PDE6A: variants seen among roughly 807,000 people sequenced by gnomAD.
The protein encoded by PDE6A is phosphodiesterase 6A.
A neutral mutation model predicts 106.3 loss-of-function variants in PDE6A; 84 were observed. The observed-to-expected ratio is 0.79, with a 90% confidence interval of 0.66 to 0.95. PDE6A has a LOEUF of 0.95. Ranked by LOEUF, PDE6A falls within the 40% of genes least tolerant of loss-of-function variation. The probability of loss-of-function intolerance (pLI) is 0.00; values close to 1 mark genes in which losing one functional copy is unlikely to be tolerated. For synonymous variants in PDE6A, 394 were observed against 386.6 expected, an observed-to-expected ratio of 1.02 and a Z score of -0.23; for missense variants, 1,052 against 1,084.9, an observed-to-expected ratio of 0.97 and a Z score of 0.43.
intron 8 of PDE6A, among the ~76,000 whole-genome samples, chr5:149,900,413 A>G (rs245073): frequency 0.43 from 56,190 of 130,360 alleles, 14,622 homozygotes; most frequent in Non-Finnish European, 0.58. Context: ...TGGTTCATCA[A>G]ACATTTAGAA....
intron 8 of PDE6A, among the ~76,000 whole-genome samples, chr5:149,901,459 C>T (rs1752976312): frequency 6.6e-6 from 1 of 152,054 alleles, no homozygotes; most frequent in African/African-American, 2.4e-5. Flanking sequence ...ACCCAGGAGG[C>T]GGAGGTTGTG....
intron 3 of PDE6A, 53 bp from the exon 4 acceptor site, chr5:149,931,221 C>CAA: frequency 6.5e-7 from 1 of 1,538,162 alleles, no homozygotes. Flanking sequence ...AGTAGTAGCT[C>CAA]ACTTAGCTGG....
Position 149,859,281 on chromosome 5 carries a change from A to G in PDE6A, c.*1614T>C, listed in dbSNP as rs1383882045. The stretch of plus-strand genomic sequence containing the variant: ...TTTTTTCTAAAAACCAACAAAAAGA[A>G]ACAACTAAATTCAATATGTGAATTT... On this transcript the variant is annotated 3_prime_UTR_variant, in exon 22 of 22. Transcript: ENST00000255266. The G allele has an allele frequency of 6.6e-6, 1 of 152,260 alleles. No homozygotes were observed. Among genetic ancestry groups the G allele is most frequent in the Admixed American group, 6.5e-5 (1 of 15,292 alleles). 9.4% of individuals were successfully genotyped at this position (152,260 alleles called of 1,614,324 possible). A position where few individuals can be genotyped will look rare whatever the true frequency, so the allele number is the denominator to read the frequency against.
At chr5:149,917,218 A>G (rs757613030) in intron 5 of PDE6A, among the ~76,000 whole-genome samples, 5 of 151,860 alleles carry the variant, frequency 3.3e-5, no homozygotes, top group Non-Finnish European at 7.4e-5. Flanking sequence ...TGGAGGCGTG[A>G]CTCACTCTCT....
rs147653202 is a variant in PDE6A at position 149,896,436 on chromosome 5, T to C, written c.1540A>G (p.Thr514Ala). 9.5e-5 allele frequency: 154 copies of C among 1,613,992 alleles called. 1 individual carries two copies. The highest frequency in any genetic ancestry group is 1.3e-4 in the Non-Finnish European group (149 of 1,179,844). The change falls in exon 12 of 22, where the codon ACA becomes GCA. Residue 514 changes from threonine (T) to alanine (A), a missense_variant. By Grantham distance (58) the Thr-to-Ala change is moderately conservative (BLOSUM62 0). This residue lies in a region of PDE6A where 913 missense variants were observed against 915.2 expected (regional missense o/e 1.00). Coordinates refer to ENST00000255266, the MANE Select transcript of PDE6A (RefSeq NM_000440.3). ...CCACATTTTACCAGCTCCAGTTCTG[T>C]TAGGGGTAAGTCACTGAAGTGAAAT... Reference protein sequence around the residue: ...NKFHFSDLPLTELELVKCGIQ... With the variant: ...NKFHFSDLPLAELELVKCGIQ...
At chr5:149,866,122 A>G in intron 20 of PDE6A, 48 bp downstream of exon 20, 2 of 1,333,632 alleles carry the variant, frequency 1.5e-6, no homozygotes, top group Non-Finnish European at 2.2e-6. Context: ...TGGAAATCCC[A>G]GGTTTATCAA....
chr5:149,938,025 T>C (rs917899522), intron 1 of PDE6A, among the ~76,000 whole-genome samples: 1 of 152,220 alleles, frequency 6.6e-6, no homozygotes, highest in Non-Finnish European at 1.5e-5. Flanking sequence ...CCAGGCATTG[T>C]ATATGCAAAG....
intron 7 of PDE6A, among the ~76,000 whole-genome samples, chr5:149,905,450 A>G (rs1205603552): frequency 6.6e-6 from 1 of 152,168 alleles, no homozygotes; most frequent in Non-Finnish European, 1.5e-5. Flanking sequence ...TCATAGTTTT[A>G]CCTTGTCTGA....
chr5:149,942,106 T>C (rs1754342777), intron 1 of PDE6A, among the ~76,000 whole-genome samples: 1 of 151,960 alleles, frequency 6.6e-6, no homozygotes, highest in South Asian at 2.1e-4. Context: ...GGACCACAGG[T>C]GTGCACCACC....
Position 149,944,615 on chromosome 5 carries a change from G to A in PDE6A, c.59C>T (p.Ala20Val). Residue 20 changes from alanine (A) to valine (V), a missense_variant, in exon 1 of 22, where the codon GCC (alanine) becomes GTC (valine). Physicochemically the swap from Ala to Val is moderately conservative, Grantham distance 64. Around this residue, in one of 3 missense-constraint regions of PDE6A, gnomAD observed 913 missense variants for 915.2 expected, o/e 1.00. Transcript: ENST00000255266. Reference sequence around the variant, plus strand: ...GTAGTGGAGGTTGTAGTACTGTTTGGCAAAGCCAATATTCGAGTCCAGGAA... The same window carrying A: ...GTAGTGGAGGTTGTAGTACTGTTTGACAAAGCCAATATTCGAGTCCAGGAA... ...EKFLDSNIGF[A>V]KQYYNLHYRA... 6.2e-7 allele frequency: 1 copy of A among 1,613,896 alleles called. No homozygotes were observed. Among genetic ancestry groups the A allele is most frequent in the Non-Finnish European group, 8.5e-7 (1 of 1,179,968 alleles).
At chr5:149,943,122 C>G (rs1754365820) in intron 1 of PDE6A, among the ~76,000 whole-genome samples, 1 of 152,232 alleles carries the variant, frequency 6.6e-6, no homozygotes, top group Non-Finnish European at 1.5e-5. Flanking sequence ...GGGGAGAAAC[C>G]TTGGACCATA....
At chr5:149,894,629 ATTT>A (rs10657525) in intron 13 of PDE6A, among the ~76,000 whole-genome samples, 3 of 113,044 alleles carry the variant, frequency 2.7e-5, no homozygotes, top group African/African-American at 7.3e-5. Flanking sequence ...GAACTGTTGA[ATTT>A]TTTTTTTTTT....
At chr5:149,886,413 T>A (rs1162076400) in intron 13 of PDE6A, 39 bp from the exon 14 acceptor site, 1 of 1,499,112 alleles carries the variant, frequency 6.7e-7, no homozygotes, top group Admixed American at 1.7e-5. Flanking sequence ...TCCTTTTGTG[T>A]AGGGGCTGGA....
At chr5:149,915,169 G>A (rs1753513620) in intron 5 of PDE6A, among the ~76,000 whole-genome samples, 162 bp from the exon 6 acceptor site, 1 of 151,400 alleles carries the variant, frequency 6.6e-6, no homozygotes, top group African/African-American at 2.4e-5. Flanking sequence ...CGAGTAAATG[G>A]GACTACAGGC....
At chr5:149,868,462 T>C (rs1357914686) in intron 17 of PDE6A, among the ~76,000 whole-genome samples, 2 of 152,170 alleles carry the variant, frequency 1.3e-5, no homozygotes, top group Non-Finnish European at 2.9e-5. Context: ...TTAAATGAGA[T>C]TGTGGTTGGA....
chr5:149,941,868 TTTC>T (rs1410339703), intron 1 of PDE6A, among the ~76,000 whole-genome samples: 2 of 152,218 alleles, frequency 1.3e-5, no homozygotes, highest in African/African-American at 4.8e-5. Flanking sequence ...GCATCTTTTT[TTTC>T]TTTATTTTTT....
intron 4 of PDE6A, among the ~76,000 whole-genome samples, chr5:149,927,431 A>C (rs1753895074): frequency 6.6e-6 from 1 of 152,148 alleles, no homozygotes; most frequent in Non-Finnish European, 1.5e-5. Context: ...AGCTTACTGT[A>C]ATTTTTAATT....
chr5:149,923,876 C>T (rs943086021), intron 4 of PDE6A, among the ~76,000 whole-genome samples: 2 of 152,120 alleles, frequency 1.3e-5, no homozygotes, highest in Admixed American at 1.3e-4. Context: ...GGTAGGATGC[C>T]AAGCCCTCCT....
chr5:149,912,446 C>T (rs1043744410), intron 6 of PDE6A, among the ~76,000 whole-genome samples: 4 of 152,206 alleles, frequency 2.6e-5, no homozygotes, highest in African/African-American at 9.7e-5. Flanking sequence ...GGTCAGACTG[C>T]GTTTCCTAAC....
Sources: gnomAD v4.1 joint callset for allele counts (sites outside exome capture counted in the v4.1 genomes callset) on GRCh38, gnomAD v4.1.1 for gene constraint, gnomAD v4.1.1 regional missense constraint, MANE v1.5 for transcripts, NCBI Gene and HGNC (gene_info 2026-07-23, HGNC 2026-07-21) for gene names.